XIRP2: variants seen among roughly 807,000 people sequenced by gnomAD.
XIRP2 encodes xin actin binding repeat containing 2, also known as xin actin-binding repeat-containing protein 2.
Under a neutral mutation model 277.0 loss-of-function variants are expected in XIRP2, and 236 were observed. The observed-to-expected ratio is 0.85, with a 90% CI of 0.77 to 0.95. The LOEUF is 0.95. XIRP2 is among the 40% of genes least tolerant of loss of function. The pLI is 0.00. For missense variants in XIRP2, 4,640 were observed against 4,157.5 expected, an observed-to-expected ratio of 1.12 and a Z score of -3.19; for synonymous variants, 1,490 against 1,416.5, an observed-to-expected ratio of 1.05 and a Z score of -1.17.
At position 167,243,723 on chromosome 2, in the gene XIRP2, G is replaced by A. The variant is rs1695153483; in HGVS notation, c.2331G>A (p.Gln777=). 6.2e-7 allele frequency: 1 copy of A among 1,614,006 alleles called. No homozygotes were observed. Among genetic ancestry groups the A allele is most frequent in the Non-Finnish European group, 8.5e-7 (1 of 1,179,934 alleles). ...CAGCACGGTGGATGTTTGAAACACAGCCGTTGGACACAATTAACAAAGATA... is the reference window on the plus strand; with the variant it reads ...CAGCACGGTGGATGTTTGAAACACAACCGTTGGACACAATTAACAAAGATA... ...VRTARWMFET[Q]PLDTINKDIT... Residue 777 remains glutamine, a synonymous_variant, in exon 9 of 11, where the codon CAG becomes CAA. Coordinates refer to ENST00000409195, the MANE Select transcript of XIRP2 (RefSeq NM_152381.6).
intron 3 of XIRP2, among the ~76,000 whole-genome samples, chr2:167,155,597 C>G (rs1255925231): frequency 3.3e-5 from 5 of 152,088 alleles, no homozygotes; most frequent in South Asian, 2.1e-4. Context: ...GGACGTATCT[C>G]AAAATAATAA....
At chr2:166,895,620 C>T (rs1684222114) in intron 1 of XIRP2, among the ~76,000 whole-genome samples, 1 of 152,118 alleles carries the variant, frequency 6.6e-6, no homozygotes, top group Non-Finnish European at 1.5e-5. Flanking sequence ...CTACGTAGTC[C>T]CTTTGGATAT....
rs536203026 is a variant in XIRP2 at position 167,094,119 on chromosome 2, C to T, written c.409-41790C>T. Among the ~76,000 whole-genome samples the T allele has an allele frequency of 6.6e-5, 10 of 152,184 alleles. No homozygotes were observed. The South Asian group carries it at 1.0e-3, about 16-fold the overall frequency. On this transcript the variant is annotated intron_variant, in intron 2 of 10. Coordinates refer to ENST00000409195, the MANE Select transcript of XIRP2 (RefSeq NM_152381.6). The stretch of plus-strand genomic sequence containing the variant: ...TGTTGGCCACATAAATGTCTTCTTT[C>T]GAAAAGTGTCTGTTCATATACTATG...
intron 3 of XIRP2, among the ~76,000 whole-genome samples, chr2:167,169,961 G>A (rs546828452): frequency 6.6e-6 from 1 of 152,124 alleles, no homozygotes; most frequent in Non-Finnish European, 1.5e-5. Flanking sequence ...CTAAGTGGAA[G>A]AGGTGAGAGT....
intron 5 of XIRP2, among the ~76,000 whole-genome samples, chr2:167,235,806 G>A (rs1694885203): frequency 6.6e-6 from 1 of 151,860 alleles, no homozygotes; most frequent in Non-Finnish European, 1.5e-5. Context: ...TAATTTTTAA[G>A]AGAAAATTAA....
rs150981442 is a variant in XIRP2 at position 167,151,474 on chromosome 2, G to A, written c.562+15412G>A. On this transcript the variant is annotated intron_variant, in intron 3 of 10. Transcript: ENST00000409195. The stretch of plus-strand genomic sequence containing the variant: ...TGTTTTCAAAAACACAAAAAATAAA[G>A]ATGATAGGAAAACATTCTCTAAGGA... 4.6e-5 allele frequency among the ~76,000 whole-genome samples: 7 copies of A among 152,116 alleles called. No homozygotes were observed. The East Asian group carries it at 1.2e-3, about 25-fold the overall frequency.
At chr2:167,070,037 A>G (rs553880411) in intron 2 of XIRP2, among the ~76,000 whole-genome samples, 3 of 152,070 alleles carry the variant, frequency 2.0e-5, no homozygotes, top group South Asian at 4.1e-4. Flanking sequence ...AACTACCTAC[A>G]TGCCTGAACT....
intron 2 of XIRP2, among the ~76,000 whole-genome samples, chr2:166,931,367 G>C (rs1012206528): frequency 1.3e-5 from 2 of 152,110 alleles, no homozygotes. Context: ...TGACTCATGT[G>C]AGCATCTCTT....
At chr2:167,238,271 C>T (rs1694957946) in intron 5 of XIRP2, among the ~76,000 whole-genome samples, 1 of 152,032 alleles carries the variant, frequency 6.6e-6, no homozygotes, top group Non-Finnish European at 1.5e-5. Flanking sequence ...ATTAACTATG[C>T]CTAGGAAGCA....
intron 2 of XIRP2, among the ~76,000 whole-genome samples, chr2:166,905,800 G>T (rs990597560): frequency 1.2e-4 from 18 of 150,714 alleles, no homozygotes; most frequent in Admixed American, 1.1e-3. Context: ...GCTCAATGAG[G>T]AATTAACTTG....
At chr2:167,171,908 T>C (rs1463749411) in intron 3 of XIRP2, among the ~76,000 whole-genome samples, 1 of 152,330 alleles carries the variant, frequency 6.6e-6, no homozygotes, top group East Asian at 1.9e-4. Context: ...GACACATGTT[T>C]TAAATGTACT....
At chr2:166,968,233 G>GC in intron 2 of XIRP2, among the ~76,000 whole-genome samples, 1 of 151,950 alleles carries the variant, frequency 6.6e-6, no homozygotes, top group Non-Finnish European at 1.5e-5. Flanking sequence ...TGATAGAAGG[G>GC]CCCACATCAT....
At chr2:167,031,408 G>A (rs1227402471) in intron 2 of XIRP2, among the ~76,000 whole-genome samples, 1 of 151,966 alleles carries the variant, frequency 6.6e-6, no homozygotes, top group Non-Finnish European at 1.5e-5. Flanking sequence ...AAATCTCTTG[G>A]CATTTGCTTG....
intron 3 of XIRP2, among the ~76,000 whole-genome samples, chr2:167,157,852 T>C (rs1168694254): frequency 6.6e-6 from 1 of 152,190 alleles, no homozygotes; most frequent in East Asian, 1.9e-4. Context: ...TAGCTTCATC[T>C]TGGCCAGAGC....
intron 2 of XIRP2, among the ~76,000 whole-genome samples, chr2:167,019,982 A>G (rs186734217): frequency 2.6e-5 from 4 of 152,182 alleles, no homozygotes; most frequent in Admixed American, 6.6e-5. Flanking sequence ...AGGTTATAGT[A>G]TGGCTCACAA....
At chr2:167,067,629 G>T (rs993343542) in intron 2 of XIRP2, among the ~76,000 whole-genome samples, 2 of 151,142 alleles carry the variant, frequency 1.3e-5, no homozygotes, top group Non-Finnish European at 2.9e-5. Context: ...TAATTTAAGA[G>T]TATCTATTGC....
intron 2 of XIRP2, among the ~76,000 whole-genome samples, chr2:167,106,014 T>A (rs950367906): frequency 6.6e-5 from 10 of 151,362 alleles, no homozygotes; most frequent in Admixed American, 1.3e-4. Flanking sequence ...TTGTTTTGAT[T>A]TTGCTATTGA....
chr2:166,945,371 C>A (rs527573155), intron 2 of XIRP2, among the ~76,000 whole-genome samples: 3 of 151,894 alleles, frequency 2.0e-5, no homozygotes, highest in Non-Finnish European at 4.4e-5. Context: ...GACATTTTAA[C>A]AATTACTTAT....
In XIRP2 at chr2:167,246,327, T is replaced by A; in HGVS notation, c.4935T>A (p.Thr1645=). 6.2e-7 allele frequency: 1 copy of A among 1,612,844 alleles called. No individual in the cohort carries two copies. The highest frequency in any genetic ancestry group is 8.5e-7 in the Non-Finnish European group (1 of 1,179,596). ...LTKTQLLNRS[T]EFHAEKEEIV... ...AAACTCAATTATTAAACAGATCAACTGAATTTCATGCTGAAAAAGAAGAGA... is the reference window on the plus strand; with the variant it reads ...AAACTCAATTATTAAACAGATCAACAGAATTTCATGCTGAAAAAGAAGAGA... Residue 1645 remains threonine, a synonymous_variant, in exon 9 of 11, where the codon ACT becomes ACA. Coordinates refer to ENST00000409195, the MANE Select transcript of XIRP2 (RefSeq NM_152381.6).
Sources: allele counts gnomAD v4.1 joint callset (sites outside exome capture counted in the v4.1 genomes callset), GRCh38; gene constraint gnomAD v4.1.1; transcripts MANE v1.5; gene names NCBI Gene and HGNC (gene_info 2026-07-23, HGNC 2026-07-21).